The following EFCAB3 variants were observed in gnomAD, a reference collection of about 807,000 sequenced individuals.
EFCAB3 encodes the protein EF-hand calcium-binding domain-containing protein 3.
EFCAB3 carries 36 observed loss-of-function variants against 42.2 expected under a neutral mutation model. The ratio of observed to expected loss-of-function variants is 0.85; its 90% confidence interval spans 0.65 to 1.13. The LOEUF (loss-of-function observed/expected upper bound fraction) is 1.13. EFCAB3 is among the 50% of genes most tolerant of loss of function. The probability of loss-of-function intolerance (pLI) is 0.00; values close to 1 mark genes in which losing one functional copy is unlikely to be tolerated. For missense variants in EFCAB3, 418 were observed against 505.1 expected (o/e 0.83, Z 1.65); for synonymous variants, 170 against 172.8 (o/e 0.98, Z 0.13).
chr17:62,381,720 C>T (rs2070201483), intron 1 of EFCAB3: 1 of 251,214 alleles, frequency 4.0e-6, no homozygotes, highest in Non-Finnish European at 8.1e-6. Context: ...CAGCACCTCC[C>T]TCAGAGCCAA....
upstream of EFCAB3, among the ~76,000 whole-genome samples, chr17:62,378,756 G>A (rs7222074): frequency 2.2e-3 from 316 of 145,360 alleles, no homozygotes; most frequent in African/African-American, 7.3e-3. Flanking sequence ...TCACACACCA[G>A]GGCCTGTTGG....
intron 6 of EFCAB3, among the ~76,000 whole-genome samples, chr17:62,402,718 C>T (rs936149942): frequency 6.6e-6 from 1 of 152,224 alleles, no homozygotes; most frequent in Non-Finnish European, 1.5e-5. Context: ...ATTTTCGCAT[C>T]GATGTTCATC....
chr17:62,404,086 T>G (rs2070428033), intron 6 of EFCAB3, among the ~76,000 whole-genome samples: 2 of 152,132 alleles, frequency 1.3e-5, no homozygotes, highest in Non-Finnish European at 2.9e-5. Context: ...AGGGCTGTCA[T>G]AAAAAATTAC....
chr17:62,376,201 G>A (rs370474818), upstream of EFCAB3, among the ~76,000 whole-genome samples: 9 of 152,212 alleles, frequency 5.9e-5, no homozygotes, highest in Admixed American at 1.3e-4. Flanking sequence ...GGCTGGGCAC[G>A]GTGGCTCACG....
chr17:62,382,375 ACAAT>A (rs1342969670), intron 1 of EFCAB3, among the ~76,000 whole-genome samples: 4 of 151,798 alleles, frequency 2.6e-5, no homozygotes, highest in East Asian at 3.8e-4. Flanking sequence ...AACAATCACC[ACAAT>A]CAATCTAATT....
chr17:62,409,679 A>G (rs1176795772), intron 8 of EFCAB3, among the ~76,000 whole-genome samples: 3 of 151,178 alleles, frequency 2.0e-5, no homozygotes, highest in African/African-American at 4.9e-5. Context: ...ACACGTTACC[A>G]TCTATTACAT....
Position 62,391,907 on chromosome 17 carries a change from G to A in EFCAB3, c.237G>A (p.Leu79=), listed in dbSNP as rs1470720793. Reference sequence around the variant, plus strand: ...GACTGATGTGCACTGTAGCTAAGCTGGGAATGAATCTGACCAAGCATGATG... The same window carrying A: ...GACTGATGTGCACTGTAGCTAAGCTAGGAATGAATCTGACCAAGCATGATG... The part of the protein sequence containing the change: ...FHGLMCTVAK[L]GMNLTKHDVY... Residue 79 remains leucine, a synonymous_variant, in exon 4 of 10, where the codon CTG becomes CTA. Transcript: ENST00000305286. 6.2e-7 allele frequency: 1 copy of A among 1,613,548 alleles called. No homozygotes were observed. The highest frequency in any genetic ancestry group is 1.1e-5 in the South Asian group (1 of 90,998).
chr17:62,403,477 G>A (rs998565812), intron 6 of EFCAB3, among the ~76,000 whole-genome samples: 3 of 152,122 alleles, frequency 2.0e-5, no homozygotes, highest in Non-Finnish European at 4.4e-5. Flanking sequence ...AAATATTTAA[G>A]TGGCCTACAA....
chr17:62,384,974 A>G (rs1382470717), intron 2 of EFCAB3, among the ~76,000 whole-genome samples: 1 of 152,202 alleles, frequency 6.6e-6, no homozygotes, highest in African/African-American at 2.4e-5. Context: ...AACTGTTCTG[A>G]GCACATTTAA....
intron 6 of EFCAB3, among the ~76,000 whole-genome samples, chr17:62,395,447 AT>A (rs2070341164): frequency 6.6e-6 from 1 of 152,178 alleles, no homozygotes; most frequent in Admixed American, 6.5e-5. Flanking sequence ...CAACCATGAA[AT>A]TTTAGCCTCC....
intron 1 of EFCAB3, chr17:62,370,345 A>T: frequency 6.4e-7 from 1 of 1,551,162 alleles, no homozygotes; most frequent in African/African-American, 1.4e-5. Context: ...TTTTATAATT[A>T]TGTTACCTTC....
At chr17:62,412,442 T>G (rs1227581679) in intron 8 of EFCAB3, among the ~76,000 whole-genome samples, 3 of 151,848 alleles carry the variant, frequency 2.0e-5, no homozygotes, top group Non-Finnish European at 4.4e-5. Context: ...TTAATGTGAT[T>G]TTTTCAAATT....
chr17:62,393,583 G>T lies in EFCAB3; in HGVS notation c.306G>T (p.Lys102Asn). The T allele has an allele frequency of 6.2e-7, 1 of 1,613,952 alleles. No individual in the cohort carries two copies. Among genetic ancestry groups the T allele is most frequent in the Non-Finnish European group, 8.5e-7 (1 of 1,179,886 alleles). Residue 102 changes from lysine (K) to asparagine (N), a missense_variant, in exon 5 of 10, where the codon AAG becomes AAT. Lys to Asn is a moderately conservative substitution (Grantham distance 94). Coordinates refer to ENST00000305286, the MANE Select transcript of EFCAB3 (RefSeq NM_173503.4). ...AGATTTTTGTTGCAGGAGATGGGAA[G>T]GTGAACTTCTCAGACTTTATCAAGG... ...LKCADIDRDGKVNFSDFIKVL... is the reference protein window; with the variant it reads ...LKCADIDRDGNVNFSDFIKVL...
chr17:62,390,121 A>G (rs889167920), intron 3 of EFCAB3, among the ~76,000 whole-genome samples: 1 of 152,188 alleles, frequency 6.6e-6, no homozygotes, highest in Non-Finnish European at 1.5e-5. Flanking sequence ...AGAAGAGACA[A>G]ATGGCAGAGG....
upstream of EFCAB3, chr17:62,378,037 G>A (rs1223647825): frequency 6.5e-7 from 1 of 1,543,728 alleles, no homozygotes; most frequent in Non-Finnish European, 8.7e-7. Flanking sequence ...GAAAGCTGAT[G>A]TGAAGCCATT....
At chr17:62,412,235 G>C (rs1267161536) in intron 8 of EFCAB3, among the ~76,000 whole-genome samples, 2 of 151,212 alleles carry the variant, frequency 1.3e-5, no homozygotes, top group African/African-American at 4.9e-5. Flanking sequence ...ATGTAGCCAG[G>C]CATGGTGGCG....
chr17:62,370,444 C>G, intron 1 of EFCAB3: 1 of 958,504 alleles, frequency 1.0e-6, no homozygotes, highest in Non-Finnish European at 1.6e-6. Flanking sequence ...CACCTGAGGT[C>G]AGGAGTTCGA....
chr17:62,393,828 C>G lies in EFCAB3; in HGVS notation c.367+184C>G, dbSNP rs2070325612. On this transcript the variant is annotated intron_variant, in intron 5 of 9. Transcript: ENST00000305286. ...CAAATTGATACAGTGTTAACTACAT[C>G]AAGCAGGCACTTGCACTGTCCAAAC... Among the ~76,000 whole-genome samples the G allele has an allele frequency of 2.6e-5, 4 of 152,328 alleles. No individual in the cohort carries two copies. In the South Asian group the frequency reaches 8.3e-4, roughly 32 times the overall value.
chr17:62,413,838 C>A lies in EFCAB3; in HGVS notation c.974C>A (p.Thr325Asn). ...KKQTCTVADA[T>N]AIKQHVKRAT... ...CAGACTTGTACAGTGGCCGATGCAACTGCTATTAAACAACATGTGAGTATT... is the reference window on the plus strand; with the variant it reads ...CAGACTTGTACAGTGGCCGATGCAAATGCTATTAAACAACATGTGAGTATT... The change falls in exon 9 of 10, where the codon ACT becomes AAT. Residue 325 changes from threonine (T) to asparagine (N), a missense_variant. Transcript: ENST00000305286. 2 of 1,611,058 alleles carry A rather than the reference C, an allele frequency of 1.2e-6. No homozygotes were observed. The highest frequency in any genetic ancestry group is 1.1e-5 in the South Asian group (1 of 90,544).
Sources: allele counts gnomAD v4.1 joint callset (sites outside exome capture counted in the v4.1 genomes callset), GRCh38; gene constraint gnomAD v4.1.1; transcripts MANE v1.5; gene names NCBI Gene and HGNC (gene_info 2026-07-23, HGNC 2026-07-21).